The following SGPP1 variants were observed in gnomAD, a reference collection of about 807,000 sequenced individuals.
The protein encoded by SGPP1 is sphingosine-1-phosphate phosphatase 1, also known as hSPP1.
In SGPP1, 21 loss-of-function variants were observed where a neutral mutation model predicts 33.0. That is an observed-to-expected ratio of 0.64 (90% CI 0.45 to 0.92). The LOEUF (loss-of-function observed/expected upper bound fraction) is 0.92. SGPP1 is among the 40% of genes least tolerant of loss of function. SGPP1 has a pLI of 0.00. For missense variants in SGPP1, 543 were observed against 589.4 expected (o/e 0.92, Z 0.81); for synonymous variants, 239 against 241.2 (o/e 0.99, Z 0.08).
At chr14:63,706,872 G>A (rs1466795026) in intron 1 of SGPP1, among the ~76,000 whole-genome samples, 1 of 151,870 alleles carries the variant, frequency 6.6e-6, no homozygotes, top group South Asian at 2.1e-4. Context: ...GCGAAACCTT[G>A]TCTCTACTAA....
At chr14:63,687,475 G>A (rs1885003300) in intron 2 of SGPP1, among the ~76,000 whole-genome samples, 1 of 152,154 alleles carries the variant, frequency 6.6e-6, no homozygotes, top group South Asian at 2.1e-4. Flanking sequence ...TACAATTTCA[G>A]ATTGTTATGA....
rs1885922645 is a variant in SGPP1 at position 63,727,803 on chromosome 14, GC to G, written c.141del (p.Pro48LeufsTer66). 6.6e-7 allele frequency: 1 copy of G among 1,506,124 alleles called. No individual in the cohort carries two copies. The highest frequency in any genetic ancestry group is 2.1e-5 in the Admixed American group (1 of 48,622). 93.3% of individuals were successfully genotyped at this position (1,506,124 alleles called of 1,614,324 possible). A position where few individuals can be genotyped will look rare whatever the true frequency, so the allele number is the denominator to read the frequency against. ...ADRREDEKAE[A>X]PLAGDPRLRG... is the part of the protein sequence containing the mutation. ...CGCAGTCGAGGGTCTCCGGCGAGAG[GC>G]GCCTCCGCTTTCTCATCCTCCCTCC... is the stretch of plus-strand genomic sequence containing the variant. On this transcript the variant is annotated frameshift_variant, in exon 1 of 3. Transcript: ENST00000247225. LOFTEE classifies it high-confidence loss of function.
At chr14:63,719,008 ATATATATTTTTTTTTTTTTT>A (rs1318047929) in intron 1 of SGPP1, among the ~76,000 whole-genome samples, 7 of 24,244 alleles carry the variant, frequency 2.9e-4, no homozygotes, top group African/African-American at 1.5e-3. Flanking sequence ...ATATATATAT[ATATATATTTTTTTTTTTTTT>A]TTTTTTTTTT....
At chr14:63,724,734 G>A (rs764342722) in intron 1 of SGPP1, among the ~76,000 whole-genome samples, 3 of 150,988 alleles carry the variant, frequency 2.0e-5, no homozygotes, top group Admixed American at 6.6e-5. Flanking sequence ...AGCGGGGGGC[G>A]GCTAATTTTT....
intron 1 of SGPP1, among the ~76,000 whole-genome samples, chr14:63,722,712 TA>T (rs1467442398): frequency 6.6e-6 from 1 of 152,054 alleles, no homozygotes; most frequent in Non-Finnish European, 1.5e-5. Context: ...ACGCCTGTAA[TA>T]CCAGCACTTT....
chr14:63,707,823 T>A (rs1427508662), intron 1 of SGPP1, among the ~76,000 whole-genome samples: 1 of 152,134 alleles, frequency 6.6e-6, no homozygotes, highest in Non-Finnish European at 1.5e-5. Flanking sequence ...TCCAGTGTCT[T>A]GTGTGGATTC....
At chr14:63,723,700 CAAAG>C (rs1885822312) in intron 1 of SGPP1, among the ~76,000 whole-genome samples, 1 of 146,730 alleles carries the variant, frequency 6.8e-6, no homozygotes, top group African/African-American at 2.6e-5. Context: ...GCCTGGGTGA[CAAAG>C]AGAGATTTCG....
chr14:63,719,615 T>C (rs556830672), intron 1 of SGPP1, among the ~76,000 whole-genome samples: 169 of 152,054 alleles, frequency 1.1e-3, no homozygotes, highest in Admixed American at 4.2e-3. Context: ...AATAAATAAA[T>C]GTATAGAAAT....
chr14:63,697,680 G>A (rs533162776), intron 2 of SGPP1, among the ~76,000 whole-genome samples: 1 of 152,278 alleles, frequency 6.6e-6, no homozygotes, highest in Admixed American at 6.5e-5. Context: ...GATGGGGAAG[G>A]TAATAAGGCT....
chr14:63,710,116 C>T lies in SGPP1; in HGVS notation c.685-11458G>A, dbSNP rs116210898. ...TAGGAATGAATAGTGTACATGTAAA[C>T]GGATGACAATAATGGCACATTAAAG... On this transcript the variant is annotated intron_variant, in intron 1 of 2. Transcript: ENST00000247225. 6.0e-3 allele frequency among the ~76,000 whole-genome samples: 910 copies of T among 152,192 alleles called. 10 individuals carry two copies. The highest frequency in any genetic ancestry group is 0.021 in the African/African-American group (867 of 41,534).
At chr14:63,698,764 G>GT in intron 1 of SGPP1, 106 bp from the exon 2 acceptor site, 1 of 558,388 alleles carries the variant, frequency 1.8e-6, no homozygotes. Context: ...ACTAAAACAA[G>GT]AAATTTGTTT....
intron 1 of SGPP1, among the ~76,000 whole-genome samples, chr14:63,717,243 T>TAAA (rs35499270): frequency 7.7e-6 from 1 of 129,702 alleles, no homozygotes; most frequent in Non-Finnish European, 1.7e-5. Context: ...CAAAAATGCT[T>TAAA]AAAAAAAAAA....
chr14:63,713,849 G>C (rs1463676370), intron 1 of SGPP1, among the ~76,000 whole-genome samples: 1 of 152,208 alleles, frequency 6.6e-6, no homozygotes, highest in Non-Finnish European at 1.5e-5. Context: ...ATCTGGTAAA[G>C]CATCATTTTG....
Position 63,699,770 on chromosome 14 carries a change from A to G in SGPP1, c.685-1112T>C, listed in dbSNP as rs1457822689. Among the ~76,000 whole-genome samples the G allele has an allele frequency of 2.6e-4, 39 of 150,648 alleles. 1 individual carries two copies. Among genetic ancestry groups the G allele is most frequent in the Admixed American group, 2.5e-3 (38 of 15,080 alleles). On this transcript the variant is annotated intron_variant, in intron 1 of 2. Coordinates refer to ENST00000247225, the MANE Select transcript of SGPP1 (RefSeq NM_030791.4). Reference sequence around the variant, plus strand: ...TTGTTGTTTTTTTTACATATCTACTACATTTAACATGGTCCCTCACTTTCT... The same window carrying G: ...TTGTTGTTTTTTTTACATATCTACTGCATTTAACATGGTCCCTCACTTTCT...
At position 63,685,833 on chromosome 14, in the gene SGPP1, TA is replaced by T. The variant is rs1884960270; in HGVS notation, c.*271del. 1 of 168,796 alleles carries T rather than the reference TA, an allele frequency of 5.9e-6. No homozygotes were observed. The highest frequency in any genetic ancestry group is 1.3e-5 in the Non-Finnish European group (1 of 79,692). 10.5% of individuals were successfully genotyped at this position (168,796 alleles called of 1,614,324 possible). On this transcript the variant is annotated 3_prime_UTR_variant, in exon 3 of 3. Transcript: ENST00000247225. ...TTATGTACCTTATATATATTATATATAAGTTGAATCCATAATACAAAACTCT... is the reference window on the plus strand; with the variant it reads ...TTATGTACCTTATATATATTATATATAGTTGAATCCATAATACAAAACTCT...
chr14:63,723,882 T>G (rs1284921604), intron 1 of SGPP1, among the ~76,000 whole-genome samples: 1 of 151,950 alleles, frequency 6.6e-6, no homozygotes, highest in Non-Finnish European at 1.5e-5. Context: ...GTTTGTACGC[T>G]GTCTTTTTTT....
chr14:63,698,738 CTATTCTA>C lies in SGPP1; in HGVS notation c.685-87_685-81del, dbSNP rs1028769595. The C allele has an allele frequency of 1.8e-5, 14 of 767,698 alleles. No homozygotes were observed. In the Admixed American group the frequency reaches 3.4e-4, roughly 19 times the overall value. The allele number at this position is 767,698 out of a possible 1,614,324, so 47.6% of individuals were successfully genotyped here. On this transcript the variant is annotated intron_variant, in intron 1 of 2. Coordinates refer to ENST00000247225, the MANE Select transcript of SGPP1 (RefSeq NM_030791.4). ...AACAAATAAAAGACAAATCAAATCA[CTATTCTA>C]TAAAGTCCACTAAAACAAGAAATTT...
At chr14:63,693,179 C>T (rs1183780911) in intron 2 of SGPP1, among the ~76,000 whole-genome samples, 3 of 152,226 alleles carry the variant, frequency 2.0e-5, no homozygotes, top group Non-Finnish European at 2.9e-5. Context: ...GTGATCCACC[C>T]GCCTCGGCCT....
At chr14:63,719,078 A>C (rs1375429015) in intron 1 of SGPP1, among the ~76,000 whole-genome samples, 1 of 115,654 alleles carries the variant, frequency 8.6e-6, no homozygotes, top group Non-Finnish European at 1.6e-5. Flanking sequence ...TCCAAGCTGG[A>C]GTGCAGTGGC....
Sources: gnomAD v4.1 joint callset for allele counts (sites outside exome capture counted in the v4.1 genomes callset) on GRCh38, gnomAD v4.1.1 for gene constraint, MANE v1.5 for transcripts, NCBI Gene and HGNC (gene_info 2026-07-23, HGNC 2026-07-21) for gene names.